The following VKORC1L1 variants were observed in gnomAD, a reference collection of about 807,000 sequenced individuals.
VKORC1L1 encodes the protein vitamin K epoxide reductase complex subunit 1L1.
In VKORC1L1, 2 loss-of-function variants were observed where a neutral mutation model predicts 18.9. The observed-to-expected ratio is 0.11, with a 90% CI of 0.04 to 0.33. The LOEUF is 0.33. VKORC1L1 is among the 10% of genes least tolerant of loss of function. The pLI, the probability that VKORC1L1 is intolerant of heterozygous loss-of-function variation, is 1.00. For missense variants in VKORC1L1, 123 were observed against 224.1 expected (o/e 0.55, Z 2.88); for synonymous variants, 96 against 100.0 (o/e 0.96, Z 0.24).
intron 1 of VKORC1L1, among the ~76,000 whole-genome samples, chr7:65,932,453 T>G (rs1010198625): frequency 1.3e-5 from 2 of 152,186 alleles, no homozygotes; most frequent in African/African-American, 2.4e-5. Flanking sequence ...TAAACTTTCC[T>G]TTCTAATATA....
chr7:65,874,308 T>C (rs1788787994), intron 1 of VKORC1L1, among the ~76,000 whole-genome samples: 1 of 151,930 alleles, frequency 6.6e-6, no homozygotes, highest in South Asian at 2.1e-4. Context: ...TTCATTGGAG[T>C]AAAGGACAAG....
intron 1 of VKORC1L1, among the ~76,000 whole-genome samples, chr7:65,874,306 A>C (rs1562978037): frequency 6.6e-6 from 1 of 151,986 alleles, no homozygotes. Context: ...GCTTCATTGG[A>C]GTAAAGGACA....
chr7:65,910,005 C>T (rs546401447), intron 1 of VKORC1L1, among the ~76,000 whole-genome samples: 97 of 152,162 alleles, frequency 6.4e-4, no homozygotes, highest in Non-Finnish European at 1.2e-3. Flanking sequence ...CATGAACCAC[C>T]GTGCCTGGCC....
chr7:65,909,690 TTGTGTGTGTGTGTGTGTGTGTGTGTG>T (rs56074368), intron 1 of VKORC1L1, among the ~76,000 whole-genome samples: 8 of 123,756 alleles, frequency 6.5e-5, no homozygotes, highest in African/African-American at 1.9e-4. Context: ...GTTTTAGCCT[TTGTGTGTGTGTGTGTGTGTGTGTGTG>T]TGTGTGTGTG....
intron 1 of VKORC1L1, among the ~76,000 whole-genome samples, chr7:65,898,077 G>GTTTTTTTTTTTTTTTTTTTT (rs71051319): frequency 1.2e-5 from 1 of 82,970 alleles, no homozygotes. Flanking sequence ...TTTGTAGCAG[G>GTTTTTTTTTTTTTTTTTTTT]TTTTTTTTTT....
intron 1 of VKORC1L1, among the ~76,000 whole-genome samples, chr7:65,878,594 T>C (rs913081212): frequency 6.6e-6 from 1 of 151,904 alleles, no homozygotes; most frequent in African/African-American, 2.4e-5. Context: ...AAGTCCCCTT[T>C]GCACCCCCAT....
chr7:65,882,844 C>A (rs1387889731), intron 1 of VKORC1L1, among the ~76,000 whole-genome samples: 1 of 152,140 alleles, frequency 6.6e-6, no homozygotes, highest in Non-Finnish European at 1.5e-5. Flanking sequence ...AGTATTCATT[C>A]CTTAACACTA....
At chr7:65,932,190 C>T (rs1364651864) in intron 1 of VKORC1L1, among the ~76,000 whole-genome samples, 1 of 152,096 alleles carries the variant, frequency 6.6e-6, no homozygotes, top group South Asian at 2.1e-4. Context: ...CTCTGCCTCC[C>T]GGGTTCCAGT....
At chr7:65,900,817 A>T (rs1353545877) in intron 1 of VKORC1L1, among the ~76,000 whole-genome samples, 3 of 152,138 alleles carry the variant, frequency 2.0e-5, no homozygotes, top group Admixed American at 6.5e-5. Flanking sequence ...ATAATAATAA[A>T]AATAATAATA....
chr7:65,959,555 T>TTAAC (rs1300604687), exon 3 of VKORC1L1: 2 of 152,202 alleles, frequency 1.3e-5, no homozygotes, highest in Non-Finnish European at 2.9e-5. Flanking sequence ...CCACATGAAA[T>TTAAC]TAACTTTATT....
At position 65,917,340 on chromosome 7, in the gene VKORC1L1, A is replaced by G. The variant is rs114531140; in HGVS notation, c.195-31331A>G. Among the ~76,000 whole-genome samples the G allele has an allele frequency of 3.8e-3, 583 of 152,198 alleles. 6 individuals carry two copies. Among genetic ancestry groups the G allele is most frequent in the African/African-American group, 0.013 (555 of 41,506 alleles). Reference sequence around the variant, plus strand: ...CTTCCATTCTGCTGTGCATGTGGCTATGAGGGTATAGTGTAAAGTGCTTTT... The same window carrying G: ...CTTCCATTCTGCTGTGCATGTGGCTGTGAGGGTATAGTGTAAAGTGCTTTT... On this transcript the variant is annotated intron_variant, in intron 1 of 2. Coordinates refer to ENST00000360768, the MANE Select transcript of VKORC1L1 (RefSeq NM_173517.6).
rs980815213 is a variant in VKORC1L1, at chr7:65,944,606, A to AT, written c.195-4054dup. Among the ~76,000 whole-genome samples, 1,132 of 147,974 alleles carry AT rather than the reference A, an allele frequency of 7.6e-3. 18 individuals are homozygous for AT. The highest frequency in any genetic ancestry group is 0.024 in the African/African-American group (970 of 40,510). On this transcript the variant is annotated intron_variant, in intron 1 of 2. Coordinates refer to ENST00000360768, the MANE Select transcript of VKORC1L1 (RefSeq NM_173517.6). ...GTATATGCATTTGAAGTTTTCTATA[A>AT]TTTTTTTTTTTAAGAAAAAGCAATA...
At chr7:65,900,820 T>A (rs994619439) in intron 1 of VKORC1L1, among the ~76,000 whole-genome samples, 2 of 151,958 alleles carry the variant, frequency 1.3e-5, no homozygotes, top group East Asian at 1.9e-4. Context: ...ATAATAAAAA[T>A]AATAATAATA....
chr7:65,925,058 C>T (rs78650002), intron 1 of VKORC1L1, among the ~76,000 whole-genome samples: 1 of 152,176 alleles, frequency 6.6e-6, no homozygotes, highest in Admixed American at 6.5e-5. Context: ...GAACACTCTT[C>T]TTCATGGCTA....
chr7:65,939,897 G>A (rs1790006348), intron 1 of VKORC1L1, among the ~76,000 whole-genome samples: 1 of 152,182 alleles, frequency 6.6e-6, no homozygotes, highest in African/African-American at 2.4e-5. Flanking sequence ...ACTGAAAACA[G>A]TCCAACAAAG....
At chr7:65,872,977 C>A (rs1298865012), upstream of VKORC1L1, among the ~76,000 whole-genome samples, 1 of 144,956 alleles carries the variant, frequency 6.9e-6, no homozygotes, top group African/African-American at 2.5e-5. Flanking sequence ...CCTCCCCACC[C>A]CTGCCCCGCC....
chr7:65,939,396 A>C (rs914119457), intron 1 of VKORC1L1, among the ~76,000 whole-genome samples: 1 of 152,198 alleles, frequency 6.6e-6, no homozygotes, highest in African/African-American at 2.4e-5. Context: ...CTTTCATGCC[A>C]ACCATGATGG....
At chr7:65,942,222 T>C (rs1172994129) in intron 1 of VKORC1L1, among the ~76,000 whole-genome samples, 1 of 151,938 alleles carries the variant, frequency 6.6e-6, no homozygotes, top group Non-Finnish European at 1.5e-5. Flanking sequence ...ATGCAGTGAC[T>C]CACACCTGTA....
intron 1 of VKORC1L1, among the ~76,000 whole-genome samples, chr7:65,880,224 T>A (rs566620379): frequency 2.0e-5 from 3 of 152,220 alleles, no homozygotes; most frequent in Non-Finnish European, 2.9e-5. Flanking sequence ...CCAGATTTTT[T>A]AAATATGCAA....
Sources: allele counts gnomAD v4.1 joint callset (sites outside exome capture counted in the v4.1 genomes callset), GRCh38; gene constraint gnomAD v4.1.1; transcripts MANE v1.5; gene names NCBI Gene and HGNC (gene_info 2026-07-23, HGNC 2026-07-21).